The following MTUS2 variants were observed in gnomAD, a reference collection of about 807,000 sequenced individuals.
MTUS2 encodes the protein microtubule-associated tumor suppressor candidate 2.
A neutral mutation model predicts 114.1 loss-of-function variants in MTUS2; 40 were observed. The observed-to-expected ratio is 0.35, with a 90% CI of 0.27 to 0.46. MTUS2 has a LOEUF of 0.46. Among genes scored for constraint, MTUS2 ranks in the 20% least tolerant of loss-of-function variants. The probability of loss-of-function intolerance (pLI) is 1.00; values close to 1 mark genes in which losing one functional copy is unlikely to be tolerated. For missense variants in MTUS2, 1,679 were observed against 1,705.4 expected (o/e 0.98, Z 0.27); for synonymous variants, 688 against 672.0 (o/e 1.02, Z -0.37).
At chr13:29,333,201 T>G (rs1240439066) in intron 7 of MTUS2, among the ~76,000 whole-genome samples, 3 of 152,104 alleles carry the variant, frequency 2.0e-5, no homozygotes, top group African/African-American at 7.2e-5. Flanking sequence ...TCTTTTCTTT[T>G]CTTTCTTTTT....
At chr13:28,839,009 T>TC (rs1875286967) in intron 1 of MTUS2, among the ~76,000 whole-genome samples, 2 of 152,102 alleles carry the variant, frequency 1.3e-5, no homozygotes, top group Admixed American at 1.3e-4. Context: ...CTGATTTTTT[T>TC]TTTTGTTTGG....
At chr13:28,877,771 G>A (rs1437281239) in intron 2 of MTUS2, among the ~76,000 whole-genome samples, 1 of 152,170 alleles carries the variant, frequency 6.6e-6, no homozygotes, top group Non-Finnish European at 1.5e-5. Context: ...GCCATAATCT[G>A]TAATTAAATT....
At chr13:28,950,416 A>G (rs1882751603) in intron 2 of MTUS2, among the ~76,000 whole-genome samples, 1 of 152,222 alleles carries the variant, frequency 6.6e-6, no homozygotes, top group Admixed American at 6.5e-5. Context: ...CACTATGTTA[A>G]TGACAATTTT....
chr13:29,164,392 G>T (rs776100792), intron 5 of MTUS2, among the ~76,000 whole-genome samples: 1 of 152,172 alleles, frequency 6.6e-6, no homozygotes, highest in African/African-American at 2.4e-5. Context: ...TTTTGACAGC[G>T]ATTTTGGCAG....
intron 9 of MTUS2, among the ~76,000 whole-genome samples, chr13:29,457,525 T>A (rs147046295): frequency 1.3e-3 from 191 of 152,236 alleles, no homozygotes; most frequent in African/African-American, 4.4e-3. Flanking sequence ...TACACCACAA[T>A]GCATTTATCT....
chr13:29,470,313 A>T (rs73446165), intron 9 of MTUS2, among the ~76,000 whole-genome samples: 2,916 of 152,296 alleles, frequency 0.019, 81 homozygotes, highest in African/African-American at 0.065. Flanking sequence ...TATATTTTTC[A>T]TACTAACTGA....
chr13:29,090,646 T>C (rs1889901617), intron 4 of MTUS2, among the ~76,000 whole-genome samples: 1 of 152,216 alleles, frequency 6.6e-6, no homozygotes, highest in African/African-American at 2.4e-5. Context: ...CTGTACTGCA[T>C]GTGGGCATGG....
At chr13:29,092,752 C>T (rs561589487) in intron 4 of MTUS2, among the ~76,000 whole-genome samples, 45,467 of 151,618 alleles carry the variant, frequency 0.3, 7,173 homozygotes, top group East Asian at 0.6. Context: ...ATGGAGGTCT[C>T]TGGCTGGCAA....
chr13:29,351,155 A>G (rs554171255), intron 7 of MTUS2, among the ~76,000 whole-genome samples: 1 of 152,022 alleles, frequency 6.6e-6, no homozygotes, highest in South Asian at 2.1e-4. Context: ...TGGGAGGGAC[A>G]GTTTTTCTTT....
chr13:28,965,553 G>A (rs568258525), intron 2 of MTUS2, among the ~76,000 whole-genome samples: 5 of 152,212 alleles, frequency 3.3e-5, no homozygotes, highest in Admixed American at 6.5e-5. Flanking sequence ...GAATCATGGA[G>A]CAAATAGAAT....
chr13:29,167,713 AC>A (rs1893377578), intron 5 of MTUS2, among the ~76,000 whole-genome samples: 1 of 151,810 alleles, frequency 6.6e-6, no homozygotes, highest in Non-Finnish European at 1.5e-5. Context: ...AAAATCCAAA[AC>A]TCTTTGAGCA....
chr13:29,005,593 A>T (rs1003609338), intron 2 of MTUS2, among the ~76,000 whole-genome samples: 2 of 152,236 alleles, frequency 1.3e-5, no homozygotes, highest in Non-Finnish European at 2.9e-5. Context: ...AAAGGCATTA[A>T]GTGCTGTAAG....
intron 7 of MTUS2, among the ~76,000 whole-genome samples, chr13:29,331,432 C>T (rs1900774114): frequency 6.6e-6 from 1 of 152,134 alleles, no homozygotes; most frequent in Admixed American, 6.6e-5. Flanking sequence ...ATTTGTTTCT[C>T]TTGCCTGATT....
chr13:29,146,123 G>A (rs999196709), intron 5 of MTUS2, among the ~76,000 whole-genome samples: 6 of 152,142 alleles, frequency 3.9e-5, no homozygotes, highest in African/African-American at 1.4e-4. Flanking sequence ...TTAAAATAAA[G>A]TATCAAATAA....
chr13:28,965,058 TA>T (rs2138228686), intron 2 of MTUS2, among the ~76,000 whole-genome samples: 1 of 152,272 alleles, frequency 6.6e-6, no homozygotes, highest in Non-Finnish European at 1.5e-5. Context: ...TCCATTTTGG[TA>T]ACATAGTGGA....
intron 2 of MTUS2, among the ~76,000 whole-genome samples, chr13:28,904,296 G>C (rs1384752707): frequency 6.6e-6 from 1 of 151,998 alleles, no homozygotes; most frequent in Non-Finnish European, 1.5e-5. Context: ...TGTTGCCCTT[G>C]CTTTTGGTGT....
At chr13:29,158,111 T>A (rs1022589388) in intron 5 of MTUS2, among the ~76,000 whole-genome samples, 1 of 152,100 alleles carries the variant, frequency 6.6e-6, no homozygotes, top group East Asian at 1.9e-4. Flanking sequence ...ACAGGCACAG[T>A]CAAAGCTCTT....
chr13:29,055,669 TGTA>T (rs1358701839), intron 4 of MTUS2, among the ~76,000 whole-genome samples: 2 of 152,112 alleles, frequency 1.3e-5, no homozygotes, highest in South Asian at 2.1e-4. Flanking sequence ...TTTATGGCTG[TGTA>T]GTATTCCATA....
chr13:28,859,181 T>C (rs989479596), intron 2 of MTUS2, among the ~76,000 whole-genome samples: 34 of 152,268 alleles, frequency 2.2e-4, no homozygotes, highest in African/African-American at 6.7e-4. Context: ...AGTTGAGGCC[T>C]AGTGGGGCTA....
Sources: gnomAD v4.1 joint callset for allele counts (sites outside exome capture counted in the v4.1 genomes callset) on GRCh38, gnomAD v4.1.1 for gene constraint, MANE v1.5 for transcripts, NCBI Gene and HGNC (gene_info 2026-07-23, HGNC 2026-07-21) for gene names.